The following KIAA2012 variants were observed in gnomAD, a reference collection of about 807,000 sequenced individuals.
KIAA2012 encodes the protein KIAA2012.
A neutral mutation model predicts 150.6 loss-of-function variants in KIAA2012; 125 were observed. The observed-to-expected ratio is 0.83, with a 90% CI of 0.72 to 0.96. The LOEUF is 0.96. KIAA2012 is among the 40% of genes least tolerant of loss of function. The probability of loss-of-function intolerance (pLI) is 0.00; values close to 1 mark genes in which losing one functional copy is unlikely to be tolerated. For missense variants in KIAA2012, 1,219 were observed against 1,354.9 expected, an observed-to-expected ratio of 0.90 and a Z score of 1.57; for synonymous variants, 462 against 504.7, an observed-to-expected ratio of 0.92 and a Z score of 1.13.
chr2:202,134,436 A>C (rs957196622), intron 12 of KIAA2012, among the ~76,000 whole-genome samples: 2 of 152,202 alleles, frequency 1.3e-5, no homozygotes, highest in African/African-American at 4.8e-5. Flanking sequence ...CGCCTGGCCT[A>C]ATAAGGTGAC....
chr2:202,103,246 AAAAAGGAT>A, intron 8 of KIAA2012, 132 bp downstream of exon 8: 2 of 854,318 alleles, frequency 2.3e-6, no homozygotes. Flanking sequence ...TTAAAGAAGG[AAAAAGGAT>A]AAAATCTAGA....
rs912652466 is a variant in KIAA2012 at position 202,134,847 on chromosome 2, G to A, written c.1832-3585G>A. The stretch of plus-strand genomic sequence containing the variant: ...TGGGATTACAGGCGTGAGCCACCAC[G>A]CCCTGCCGACTATGTTTCATTTTTA... On this transcript the variant is annotated intron_variant, in intron 12 of 23. Coordinates refer to ENST00000498697, the MANE Select transcript of KIAA2012 (RefSeq NM_001277372.4). Among the ~76,000 whole-genome samples the A allele has an allele frequency of 6.6e-5, 10 of 152,350 alleles. No individual in the cohort carries two copies. In the South Asian group the frequency reaches 1.5e-3, roughly 22 times the overall value.
At chr2:202,177,306 G>A (rs375564073) in intron 15 of KIAA2012, among the ~76,000 whole-genome samples, 4 of 152,070 alleles carry the variant, frequency 2.6e-5, no homozygotes, top group African/African-American at 9.7e-5. Flanking sequence ...ATATATATGA[G>A]GATTGATGAA....
intron 15 of KIAA2012, among the ~76,000 whole-genome samples, 199 bp from the exon 16 acceptor site, chr2:202,184,554 T>TAAAA (rs1692185996): frequency 6.6e-6 from 1 of 152,148 alleles, no homozygotes; most frequent in African/African-American, 2.4e-5. Flanking sequence ...CAAAGGATAT[T>TAAAA]TTAATACTAA....
At chr2:202,083,764 G>T (rs1026879705) in intron 2 of KIAA2012, among the ~76,000 whole-genome samples, 1 of 151,744 alleles carries the variant, frequency 6.6e-6, no homozygotes, top group African/African-American at 2.4e-5. Context: ...CCAGGGGGGC[G>T]GGGGGGCTGT....
chr2:202,192,383 G>A (rs1294175330), intron 19 of KIAA2012, among the ~76,000 whole-genome samples: 1 of 151,788 alleles, frequency 6.6e-6, no homozygotes, highest in Non-Finnish European at 1.5e-5. Context: ...CCATTGGAAA[G>A]GTGAGTTTCT....
intron 15 of KIAA2012, among the ~76,000 whole-genome samples, chr2:202,168,205 G>T (rs1375057587): frequency 6.6e-6 from 1 of 152,022 alleles, no homozygotes; most frequent in Non-Finnish European, 1.5e-5. Flanking sequence ...TGGATCACAA[G>T]GTCAAGAGAT....
chr2:202,156,263 T>C (rs1441702991), intron 14 of KIAA2012, among the ~76,000 whole-genome samples: 1 of 152,046 alleles, frequency 6.6e-6, no homozygotes, highest in African/African-American at 2.4e-5. Flanking sequence ...AGAAAAGATA[T>C]TTGTTACGAG....
intron 15 of KIAA2012, among the ~76,000 whole-genome samples, chr2:202,173,877 G>C (rs932257304): frequency 2.8e-4 from 42 of 152,186 alleles, no homozygotes; most frequent in African/African-American, 9.4e-4. Context: ...AATAGAAGAG[G>C]GCTTCTTGAT....
At chr2:202,083,778 C>T (rs1472825327) in intron 2 of KIAA2012, among the ~76,000 whole-genome samples, 1 of 152,114 alleles carries the variant, frequency 6.6e-6, no homozygotes, top group Non-Finnish European at 1.5e-5. Context: ...GGGCTGTAAC[C>T]TCTACCCAAC....
At chr2:202,190,572 C>G (rs1057417690) in intron 19 of KIAA2012, 79 bp downstream of exon 19, 3 of 1,102,956 alleles carry the variant, frequency 2.7e-6, no homozygotes, top group Admixed American at 2.9e-5. Flanking sequence ...AAAGCTGCCC[C>G]TAATTATATT....
chr2:202,135,255 G>A (rs1691035600), intron 12 of KIAA2012, among the ~76,000 whole-genome samples: 1 of 152,238 alleles, frequency 6.6e-6, no homozygotes, highest in Non-Finnish European at 1.5e-5. Flanking sequence ...TGAACTCCCA[G>A]TTTCAGGCAT....
chr2:202,155,181 A>G (rs982089852), intron 14 of KIAA2012, among the ~76,000 whole-genome samples: 1 of 152,236 alleles, frequency 6.6e-6, no homozygotes. Flanking sequence ...TATTACTACT[A>G]TAGAGAAGAC....
intron 11 of KIAA2012, among the ~76,000 whole-genome samples, chr2:202,119,660 G>A (rs1690612512): frequency 6.6e-6 from 1 of 152,140 alleles, no homozygotes. Flanking sequence ...ATGGTTCTAG[G>A]AGTGGGGGTG....
At chr2:202,180,920 T>C (rs998517688) in intron 15 of KIAA2012, among the ~76,000 whole-genome samples, 5 of 152,228 alleles carry the variant, frequency 3.3e-5, no homozygotes, top group Non-Finnish European at 7.3e-5. Flanking sequence ...TAAAATTACA[T>C]GTTTGGTTAA....
intron 2 of KIAA2012, among the ~76,000 whole-genome samples, chr2:202,085,590 C>A (rs1338808675): frequency 2.6e-5 from 4 of 152,152 alleles, no homozygotes; most frequent in African/African-American, 9.7e-5. Flanking sequence ...GAACTCAGGC[C>A]TGTCAGCACC....
chr2:202,136,152 G>T, intron 12 of KIAA2012: 1 of 253,210 alleles, frequency 3.9e-6, no homozygotes, highest in Non-Finnish European at 8.2e-6. Context: ...TCCTTCTGGT[G>T]GGTTCGTGGT....
intron 12 of KIAA2012, among the ~76,000 whole-genome samples, chr2:202,132,439 G>A (rs1690953189): frequency 6.6e-6 from 1 of 151,850 alleles, no homozygotes; most frequent in Non-Finnish European, 1.5e-5. Context: ...GGCCGAGGCA[G>A]GCAGATCACC....
At chr2:202,102,885 C>G (rs956370379) in intron 7 of KIAA2012, 61 bp from the exon 8 acceptor site, 4 of 1,450,048 alleles carry the variant, frequency 2.8e-6, no homozygotes, top group Non-Finnish European at 2.8e-6. Context: ...TATCGTTTGC[C>G]CCTGCAGGCA....
Sources: gnomAD v4.1 joint callset for allele counts (sites outside exome capture counted in the v4.1 genomes callset) on GRCh38, gnomAD v4.1.1 for gene constraint, MANE v1.5 for transcripts, NCBI Gene and HGNC (gene_info 2026-07-23, HGNC 2026-07-21) for gene names.